Variants in SPECC1L observed in about 807,000 individuals in gnomAD.
The protein encoded by SPECC1L is sperm antigen with calponin homology and coiled-coil domains 1 like, also known as cytospin-A.
In SPECC1L, 40 loss-of-function variants were observed where a neutral mutation model predicts 116.8. That is an observed-to-expected ratio of 0.34 (90% CI 0.27 to 0.45). The LOEUF (loss-of-function observed/expected upper bound fraction) is 0.45. Ranked by LOEUF, SPECC1L falls within the 20% of genes least tolerant of loss-of-function variation. The probability of loss-of-function intolerance (pLI) is 1.00; values close to 1 mark genes in which losing one functional copy is unlikely to be tolerated. For synonymous variants in SPECC1L, 504 were observed against 500.6 expected, an observed-to-expected ratio of 1.01 and a Z score of -0.09; for missense variants, 1,110 against 1,373.6, an observed-to-expected ratio of 0.81 and a Z score of 3.03.
intron 11 of SPECC1L, among the ~76,000 whole-genome samples, chr22:24,361,900 GAGAAA>G (rs1260549739): frequency 2.7e-5 from 4 of 149,762 alleles, no homozygotes; most frequent in Admixed American, 6.6e-5. Flanking sequence ...GAAAAAAGAA[GAGAAA>G]AGAAAAGAAA....
chr22:24,379,389 A>C (rs2042022492), intron 14 of SPECC1L, among the ~76,000 whole-genome samples: 1 of 151,312 alleles, frequency 6.6e-6, no homozygotes, highest in Non-Finnish European at 1.5e-5. Flanking sequence ...CCGAGAAAAA[A>C]GAAAAAAAAA....
At chr22:24,281,809 C>G (rs1246933312) in intron 2 of SPECC1L, among the ~76,000 whole-genome samples, 1 of 152,182 alleles carries the variant, frequency 6.6e-6, no homozygotes, top group Non-Finnish European at 1.5e-5. Flanking sequence ...GCTAGAACTT[C>G]TAAGTACATA....
At chr22:24,308,689 A>G (rs1051185444) in intron 3 of SPECC1L, among the ~76,000 whole-genome samples, 4 of 151,804 alleles carry the variant, frequency 2.6e-5, no homozygotes, top group Non-Finnish European at 4.4e-5. Context: ...TGGTTTTAGC[A>G]TTTTTTTTGG....
chr22:24,388,722 TA>T (rs1424219152), intron 14 of SPECC1L, among the ~76,000 whole-genome samples: 4 of 152,142 alleles, frequency 2.6e-5, no homozygotes, highest in Non-Finnish European at 4.4e-5. Flanking sequence ...GCCATGTAAA[TA>T]AACATGTTCA....
intron 1 of SPECC1L, among the ~76,000 whole-genome samples, chr22:24,273,017 T>C (rs1199168094): frequency 1.3e-5 from 2 of 152,332 alleles, no homozygotes; most frequent in East Asian, 3.9e-4. Context: ...ATAACGTGAG[T>C]GTCAAGTACA....
chr22:24,300,936 C>G (rs1242346937), intron 2 of SPECC1L, among the ~76,000 whole-genome samples: 1 of 152,092 alleles, frequency 6.6e-6, no homozygotes, highest in African/African-American at 2.4e-5. Flanking sequence ...GAAACTGGAC[C>G]CCTTCCTTAC....
At chr22:24,369,459 T>G (rs766148502) in intron 14 of SPECC1L, 139 bp downstream of exon 14, 69 of 721,286 alleles carry the variant, frequency 9.6e-5, no homozygotes, top group Non-Finnish European at 1.6e-4. Context: ...CCTAACACAT[T>G]GGGAGGCTGA....
chr22:24,332,307 TA>T (rs1204124338), intron 8 of SPECC1L, among the ~76,000 whole-genome samples: 7 of 151,966 alleles, frequency 4.6e-5, no homozygotes, highest in Non-Finnish European at 1.0e-4. Context: ...CATTGCGACT[TA>T]AAAAAAATGT....
chr22:24,334,337 T>G, intron 8 of SPECC1L, 73 bp from the exon 9 acceptor site: 3 of 1,526,382 alleles, frequency 2.0e-6, no homozygotes, highest in African/African-American at 1.4e-5. Flanking sequence ...TTTAATGCCT[T>G]TCAGCTGGGA....
chr22:24,331,666 C>G (rs991390877), intron 8 of SPECC1L, among the ~76,000 whole-genome samples: 1 of 152,174 alleles, frequency 6.6e-6, no homozygotes. Flanking sequence ...TTTAAGGACT[C>G]TGTGAGGTCA....
In SPECC1L at chr22:24,334,434, A is replaced by G. The variant is rs764151529; in HGVS notation, c.2421A>G (p.Val807=). ...SRKQEEERGR[V]YNYMNAVERD... ...GGCAAGAGGAGGAGCGAGGCCGGGT[A>G]TACAATTACATGAATGCCGTTGAGA... Residue 807 remains valine, a synonymous_variant, in exon 9 of 17, where the codon GTA becomes GTG. Transcript: ENST00000314328. 3 of 1,614,176 alleles carry G rather than the reference A, an allele frequency of 1.9e-6. No individual in the cohort carries two copies. Among genetic ancestry groups the G allele is most frequent in the South Asian group, 1.1e-5 (1 of 91,084 alleles).
chr22:24,303,487 G>A (rs1012324631), intron 3 of SPECC1L, among the ~76,000 whole-genome samples: 3 of 152,192 alleles, frequency 2.0e-5, no homozygotes, highest in Non-Finnish European at 4.4e-5. Context: ...GGCATTTTCT[G>A]ACCTAACTGG....
In SPECC1L at chr22:24,276,743, C is replaced by CTCT. The variant is rs1209293946; in HGVS notation, c.-95_-93dup. On this transcript the variant is annotated 5_prime_UTR_variant, in exon 2 of 17. Coordinates refer to ENST00000314328, the MANE Select transcript of SPECC1L (RefSeq NM_015330.6). ...CGACTAAGCCATTTTCCAGTGGCAC[C>CTCT]TCTTCCATCATGAGTTCCTGAGGCA... The CTCT allele has an allele frequency of 2.2e-6, 1 of 453,400 alleles. No homozygotes were observed. Among genetic ancestry groups the CTCT allele is most frequent in the African/African-American group, 2.0e-5 (1 of 49,958 alleles). The allele number at this position is 453,400 out of a possible 1,614,324, so 28.1% of individuals were successfully genotyped here.
At chr22:24,271,401 G>T (rs529126262) in intron 1 of SPECC1L, among the ~76,000 whole-genome samples, 1 of 152,372 alleles carries the variant, frequency 6.6e-6, no homozygotes, top group African/African-American at 2.4e-5. Context: ...GCGTTGTTCA[G>T]TGGCCCCGAG....
intron 3 of SPECC1L, among the ~76,000 whole-genome samples, chr22:24,305,924 CTTTT>C (rs954188922): frequency 6.9e-6 from 1 of 144,574 alleles, no homozygotes; most frequent in Non-Finnish European, 1.5e-5. Context: ...TTCATACAAT[CTTTT>C]TTTTTTTTTT....
intron 10 of SPECC1L, 71 bp downstream of exon 10, chr22:24,338,548 C>A: frequency 7.5e-7 from 1 of 1,335,092 alleles, no homozygotes; most frequent in Non-Finnish European, 1.1e-6. Context: ...TCTTCACAGT[C>A]ATTTACACCT....
intron 3 of SPECC1L, among the ~76,000 whole-genome samples, chr22:24,312,350 C>G (rs1387524533): frequency 6.6e-6 from 1 of 152,154 alleles, no homozygotes; most frequent in Non-Finnish European, 1.5e-5. Flanking sequence ...TATGGACTCA[C>G]TGACATTTAG....
intron 11 of SPECC1L, among the ~76,000 whole-genome samples, chr22:24,356,210 G>C (rs1007508159): frequency 3.3e-5 from 5 of 151,986 alleles, no homozygotes; most frequent in African/African-American, 4.8e-5. Flanking sequence ...TCAAGTCTGG[G>C]TCTTCTGTAT....
chr22:24,304,288 C>T (rs936469641), intron 3 of SPECC1L: 5 of 152,204 alleles, frequency 3.3e-5, no homozygotes, highest in Non-Finnish European at 5.9e-5. Flanking sequence ...TCATGACTCT[C>T]TTCTTGTAGT....
Sources: allele counts gnomAD v4.1 joint callset (sites outside exome capture counted in the v4.1 genomes callset), GRCh38; gene constraint gnomAD v4.1.1; transcripts MANE v1.5; gene names NCBI Gene and HGNC (gene_info 2026-07-23, HGNC 2026-07-21).